Variants in MAOB observed in about 807,000 individuals in gnomAD.
MAOB encodes the protein amine oxidase [flavin-containing] B.
Under a neutral mutation model 41.9 loss-of-function variants are expected in MAOB, and 15 were observed. The observed-to-expected ratio is 0.36, with a 90% CI of 0.24 to 0.55. The LOEUF is 0.55. Ranked by LOEUF, MAOB falls within the 20% of genes least tolerant of loss-of-function variation. The probability of loss-of-function intolerance (pLI) is 0.86; values close to 1 mark genes in which losing one functional copy is unlikely to be tolerated. For synonymous variants in MAOB, 167 were observed against 144.2 expected (o/e 1.16, Z -1.13); for missense variants, 345 against 398.7 (o/e 0.87, Z 1.15).
chrX:43,797,313 G>T lies in MAOB; in HGVS notation c.477-47C>A, dbSNP rs143928796. The T allele has an allele frequency of 2.2e-4, 227 of 1,020,346 alleles. No homozygotes were observed. The African/African-American group carries it at 3.8e-3, about 17-fold the overall frequency. The allele number at this position is 1,020,346 out of a possible 1,213,427, so 84.1% of individuals were successfully genotyped here. A position where few individuals can be genotyped will look rare whatever the true frequency, so the allele number is the denominator to read the frequency against. On this transcript the variant is annotated intron_variant, in intron 5 of 14. Transcript: ENST00000378069. ...CAAACTTGGCAAACGCAGGAGAGCA[G>T]CTTCTTAATTCTCTAAAAATTATTT...
intron 3 of MAOB, among the ~76,000 whole-genome samples, chrX:43,834,641 A>G (rs2035053210): frequency 9.0e-6 from 1 of 111,561 alleles, no homozygotes; most frequent in Non-Finnish European, 1.9e-5. Flanking sequence ...TGTCAGCAAG[A>G]CTGAGGGGTT....
intron 12 of MAOB, among the ~76,000 whole-genome samples, chrX:43,770,845 G>A (rs2034173519): frequency 9.0e-6 from 1 of 111,591 alleles, no homozygotes; most frequent in African/African-American, 3.3e-5. Flanking sequence ...GCTATACAAG[G>A]GACTGAAATG....
At chrX:43,770,043 G>A (rs950892371) in intron 12 of MAOB, among the ~76,000 whole-genome samples, 1 of 111,178 alleles carries the variant, frequency 9.0e-6, no homozygotes, top group Non-Finnish European at 1.9e-5. Context: ...GATGAACCAC[G>A]CAGGCCCCCT....
intron 8 of MAOB, among the ~76,000 whole-genome samples, chrX:43,790,581 C>A (rs1168189968): frequency 9.1e-6 from 1 of 110,387 alleles, no homozygotes; most frequent in Non-Finnish European, 1.9e-5. Context: ...CTCATGTCAA[C>A]AAACTTTTTT....
chrX:43,817,329 C>A (rs1019331696), intron 3 of MAOB, among the ~76,000 whole-genome samples: 1 of 110,476 alleles, frequency 9.1e-6, no homozygotes, highest in Non-Finnish European at 1.9e-5. Flanking sequence ...TGCTTGACTT[C>A]TTTTTTTCTC....
chrX:43,826,238 C>CTGA (rs2034945690), intron 3 of MAOB, among the ~76,000 whole-genome samples: 1 of 111,156 alleles, frequency 9.0e-6, no homozygotes, highest in Non-Finnish European at 1.9e-5. Context: ...GGTGGGGGAC[C>CTGA]CTCCTGGTTT....
At chrX:43,790,686 A>G (rs1250947940) in intron 8 of MAOB, among the ~76,000 whole-genome samples, 1 of 110,487 alleles carries the variant, frequency 9.1e-6, no homozygotes, top group Non-Finnish European at 1.9e-5. Flanking sequence ...GGCTCAAGCA[A>G]TCCTCCAGTC....
At chrX:43,776,645 A>G (rs1251189709) in intron 11 of MAOB, among the ~76,000 whole-genome samples, 1 of 111,010 alleles carries the variant, frequency 9.0e-6, no homozygotes, top group African/African-American at 3.3e-5. Flanking sequence ...GTTTTAGGGT[A>G]CATGTGCACA....
chrX:43,817,770 A>G (rs993870183), intron 3 of MAOB, among the ~76,000 whole-genome samples: 1 of 112,054 alleles, frequency 8.9e-6, no homozygotes, highest in African/African-American at 3.2e-5. Flanking sequence ...TCCCTCTTTC[A>G]ACAATATTTA....
intron 3 of MAOB, among the ~76,000 whole-genome samples, chrX:43,835,913 C>G (rs1166713328): frequency 8.9e-6 from 1 of 111,787 alleles, no homozygotes; most frequent in Non-Finnish European, 1.9e-5. Context: ...ACATAAAACT[C>G]TATTTCCCAT....
At chrX:43,843,357 TCACACACACACACACACA>T (rs61018201) in intron 2 of MAOB, among the ~76,000 whole-genome samples, 2,071 of 83,699 alleles carry the variant, frequency 0.025, 46 homozygotes, top group African/African-American at 0.081. Flanking sequence ...TCTCTCTGTC[TCACACACACACACACACA>T]CACACACACA....
At chrX:43,878,184 T>C (rs983891901) in intron 1 of MAOB, among the ~76,000 whole-genome samples, 1 of 111,542 alleles carries the variant, frequency 9.0e-6, no homozygotes. Context: ...AGGTTCCACA[T>C]AGGTAAGCAT....
chrX:43,868,749 G>T (rs1258350101), intron 1 of MAOB, among the ~76,000 whole-genome samples: 3 of 110,878 alleles, frequency 2.7e-5, no homozygotes, highest in Admixed American at 1.9e-4. Flanking sequence ...TTGTCCAAAG[G>T]TAAAGCTCTT....
intron 3 of MAOB, among the ~76,000 whole-genome samples, chrX:43,812,865 A>G (rs185446699): frequency 4.5e-5 from 5 of 112,238 alleles, no homozygotes; most frequent in Admixed American, 3.8e-4. Context: ...GATTGTCCAC[A>G]TAGAAAGAAA....
At chrX:43,840,171 C>T (rs1334159515) in intron 2 of MAOB, among the ~76,000 whole-genome samples, 5 of 111,909 alleles carry the variant, frequency 4.5e-5, no homozygotes, top group South Asian at 7.5e-4. Context: ...CTAGGTCAGG[C>T]GGTGTATGTC....
intron 10 of MAOB, among the ~76,000 whole-genome samples, chrX:43,779,804 A>T (rs1207580295): frequency 8.9e-6 from 1 of 111,937 alleles, no homozygotes; most frequent in South Asian, 3.7e-4. Context: ...CTTTCCTGGT[A>T]AATAGGTTAT....
intron 3 of MAOB, among the ~76,000 whole-genome samples, chrX:43,829,657 A>G (rs927059681): frequency 8.9e-6 from 1 of 112,075 alleles, no homozygotes; most frequent in Non-Finnish European, 1.9e-5. Flanking sequence ...TAGCAGGCAC[A>G]TAAGGAACTT....
chrX:43,834,210 C>A (rs2035048136), intron 3 of MAOB, among the ~76,000 whole-genome samples: 1 of 111,930 alleles, frequency 8.9e-6, no homozygotes, highest in Admixed American at 9.5e-5. Context: ...AAATGGGCAA[C>A]TGTTCCTGAA....
intron 8 of MAOB, 94 bp from the exon 9 acceptor site, chrX:43,781,638 C>A (rs2034334224): frequency 4.5e-6 from 2 of 442,716 alleles, no homozygotes; most frequent in Admixed American, 4.2e-5. Context: ...ACTTGAGAAG[C>A]CCAAAGGCCA....
Sources: gnomAD v4.1 joint callset for allele counts (sites outside exome capture counted in the v4.1 genomes callset) on GRCh38, gnomAD v4.1.1 for gene constraint, MANE v1.5 for transcripts, NCBI Gene and HGNC (gene_info 2026-07-23, HGNC 2026-07-21) for gene names.